Variants in ACYP2 observed in about 807,000 individuals in gnomAD.
ACYP2 encodes acylphosphatase-2.
In ACYP2, 12 loss-of-function variants were observed where a neutral mutation model predicts 11.2. That is an observed-to-expected ratio of 1.08 (90% confidence interval 0.69 to 1.74). The LOEUF is 1.74. ACYP2 is among the 40% of genes most tolerant of loss of function. The pLI, the probability that ACYP2 is intolerant of heterozygous loss-of-function variation, is 0.00. For missense variants in ACYP2, 134 were observed against 101.9 expected (o/e 1.31, Z -1.35); for synonymous variants, 43 against 32.2 (o/e 1.33, Z -1.13).
intron 6 of ACYP2, among the ~76,000 whole-genome samples, chr2:54,280,072 C>A (rs1269968307): frequency 6.6e-6 from 1 of 152,080 alleles, no homozygotes; most frequent in Non-Finnish European, 1.5e-5. Context: ...TAGGAGATAT[C>A]CAGAACCAAA....
In ACYP2 at chr2:54,219,905, A is replaced by ATAT. The variant is rs1288814375; in HGVS notation, c.404+81158_404+81159insATT. On this transcript the variant is annotated intron_variant, in intron 6 of 6. Transcript: ENST00000607452. ...TGTATATATATATATATATATATAT[A>ATAT]TTTTTTTTTTTTTTTTAGTAGAGAT... 2.0e-4 allele frequency among the ~76,000 whole-genome samples: 15 copies of ATAT among 75,988 alleles called. No individual in the cohort carries two copies. In the East Asian group the frequency reaches 3.7e-3, roughly 19 times the overall value. 49.9% of individuals were successfully genotyped at this position (75,988 alleles called of 152,430 possible). A position where few individuals can be genotyped will look rare whatever the true frequency, so the allele number is the denominator to read the frequency against.
intron 6 of ACYP2, among the ~76,000 whole-genome samples, chr2:54,301,149 G>A (rs918877612): frequency 6.6e-6 from 1 of 152,106 alleles, no homozygotes; most frequent in Non-Finnish European, 1.5e-5. Context: ...TTTGCTGTTT[G>A]TTTGGCTTTA....
chr2:54,169,201 A>G (rs564460822), intron 6 of ACYP2, among the ~76,000 whole-genome samples: 5 of 152,290 alleles, frequency 3.3e-5, no homozygotes, highest in African/African-American at 1.2e-4. Flanking sequence ...TGAATCTTCC[A>G]GGGCTAATTA....
chr2:54,003,075 A>G (rs371463512), intron 2 of ACYP2, among the ~76,000 whole-genome samples: 1 of 152,166 alleles, frequency 6.6e-6, no homozygotes, highest in African/African-American at 2.4e-5. Flanking sequence ...CAGCCTCCCA[A>G]GTAGCTGGGA....
At chr2:54,160,378 G>A (rs1282884516) in intron 6 of ACYP2, among the ~76,000 whole-genome samples, 1 of 152,220 alleles carries the variant, frequency 6.6e-6, no homozygotes, top group Non-Finnish European at 1.5e-5. Flanking sequence ...ATCCCTGGCA[G>A]TAATCAGCTT....
At chr2:54,286,155 G>T (rs1689070717) in intron 6 of ACYP2, among the ~76,000 whole-genome samples, 1 of 150,170 alleles carries the variant, frequency 6.7e-6, no homozygotes, top group Admixed American at 6.6e-5. Context: ...GCCTTTGGGA[G>T]GCCAAGATGG....
At chr2:54,122,348 T>C (rs1680209419) in intron 4 of ACYP2, among the ~76,000 whole-genome samples, 1 of 152,214 alleles carries the variant, frequency 6.6e-6, no homozygotes, top group African/African-American at 2.4e-5. Context: ...TTCCACAAAG[T>C]GAGGTACAGT....
chr2:54,289,815 T>C (rs1220113141), intron 6 of ACYP2, among the ~76,000 whole-genome samples: 3 of 151,816 alleles, frequency 2.0e-5, no homozygotes, highest in Non-Finnish European at 4.4e-5. Context: ...CAATGAGACA[T>C]GTCCATAAAG....
intron 6 of ACYP2, among the ~76,000 whole-genome samples, chr2:54,260,598 G>T (rs1022467091): frequency 1.3e-5 from 2 of 152,160 alleles, no homozygotes; most frequent in East Asian, 1.9e-4. Context: ...TCTGATCAAT[G>T]AATTGGAAGA....
intron 6 of ACYP2, among the ~76,000 whole-genome samples, chr2:54,296,612 T>C (rs1425237200): frequency 1.3e-5 from 2 of 152,166 alleles, no homozygotes; most frequent in Non-Finnish European, 2.9e-5. Flanking sequence ...ATCAAACATA[T>C]AAAAAATGCA....
chr2:54,208,464 T>A (rs1476990574), intron 6 of ACYP2, among the ~76,000 whole-genome samples: 1 of 152,116 alleles, frequency 6.6e-6, no homozygotes, highest in Non-Finnish European at 1.5e-5. Flanking sequence ...GATGTTTCTT[T>A]TTAATTGTTA....
chr2:54,195,854 A>G (rs1251188290), intron 6 of ACYP2, among the ~76,000 whole-genome samples: 1 of 132,528 alleles, frequency 7.5e-6, no homozygotes, highest in African/African-American at 3.0e-5. Context: ...CTAGAGTGCA[A>G]TGGCGCGATC....
At chr2:54,236,845 T>C (rs1686502397) in intron 6 of ACYP2, among the ~76,000 whole-genome samples, 1 of 152,186 alleles carries the variant, frequency 6.6e-6, no homozygotes, top group South Asian at 2.1e-4. Flanking sequence ...GCTATGTTAC[T>C]AGGTGAATTA....
intron 6 of ACYP2, among the ~76,000 whole-genome samples, chr2:54,277,626 C>T (rs568707538): frequency 4.4e-4 from 67 of 152,154 alleles, no homozygotes; most frequent in African/African-American, 1.6e-3. Flanking sequence ...TGCAGTGAGC[C>T]ACAGTCGTGC....
intron 2 of ACYP2, among the ~76,000 whole-genome samples, chr2:53,983,977 G>A (rs778646559): frequency 3.9e-5 from 6 of 152,116 alleles, no homozygotes; most frequent in Non-Finnish European, 7.4e-5. Flanking sequence ...CCTTCCTAAG[G>A]TGCTGGATGC....
At chr2:54,255,823 C>G in intron 6 of ACYP2, 11 of 1,613,998 alleles carry the variant, frequency 6.8e-6, no homozygotes, top group Non-Finnish European at 9.3e-6. Flanking sequence ...ATTTTTGAGG[C>G]TGCCGTCAGT....
chr2:54,181,941 T>A (rs1458561729), intron 6 of ACYP2, among the ~76,000 whole-genome samples: 1 of 152,078 alleles, frequency 6.6e-6, no homozygotes, highest in Non-Finnish European at 1.5e-5. Flanking sequence ...TCTTAAAATC[T>A]GATGGACCCT....
Position 54,154,506 on chromosome 2 carries a change from C to G in ACYP2, c.404+15758C>G, listed in dbSNP as rs113243354. 6.6e-3 allele frequency among the ~76,000 whole-genome samples: 1,007 copies of G among 152,206 alleles called. 20 individuals carry two copies. Among genetic ancestry groups the G allele is most frequent in the African/African-American group, 0.023 (964 of 41,536 alleles). ...AAAGGATGTTGAATTTTATCAGATG[C>G]CTTTTCTGCATCTAATGTGGTGATC... On this transcript the variant is annotated intron_variant, in intron 6 of 6. Coordinates refer to ENST00000607452, the MANE Select transcript of ACYP2 (RefSeq NM_001320586.2).
intron 4 of ACYP2, among the ~76,000 whole-genome samples, chr2:54,122,655 G>A (rs1680229450): frequency 2.0e-5 from 3 of 152,204 alleles, no homozygotes; most frequent in Admixed American, 2.0e-4. Context: ...ATATCTATCT[G>A]TTGTGCAGTA....
Sources: gnomAD v4.1 joint callset for allele counts (sites outside exome capture counted in the v4.1 genomes callset) on GRCh38, gnomAD v4.1.1 for gene constraint, MANE v1.5 for transcripts, NCBI Gene and HGNC (gene_info 2026-07-23, HGNC 2026-07-21) for gene names.